The following SVIL variants were observed in gnomAD, a reference collection of about 807,000 sequenced individuals.
SVIL encodes the protein supervillin.
Under a neutral mutation model 240.4 loss-of-function variants are expected in SVIL, and 101 were observed. The observed-to-expected ratio is 0.42, with a 90% CI of 0.36 to 0.50. The LOEUF (loss-of-function observed/expected upper bound fraction) is 0.50. Among genes scored for constraint, SVIL ranks in the 20% least tolerant of loss-of-function variants. The pLI is 0.01. For missense variants in SVIL, 2,512 were observed against 2,818.7 expected (o/e 0.89, Z 2.46); for synonymous variants, 999 against 1,100.0 (o/e 0.91, Z 1.82).
At chr10:29,509,723 GC>G (rs1196926201) in intron 17 of SVIL, among the ~76,000 whole-genome samples, 2 of 152,100 alleles carry the variant, frequency 1.3e-5, no homozygotes, top group Non-Finnish European at 2.9e-5. Context: ...GGTGGCACAT[GC>G]CTGTAATCGC....
intron 5 of SVIL, among the ~76,000 whole-genome samples, chr10:29,551,673 G>A (rs1004610529): frequency 2.6e-5 from 4 of 152,342 alleles, no homozygotes; most frequent in Admixed American, 6.5e-5. Flanking sequence ...GTGAGCTGCC[G>A]TCATTGGACA....
chr10:29,463,549 T>C lies in SVIL; in HGVS notation c.6220A>G (p.Ile2074Val). Reference protein sequence around the residue: ...IENKITGSARIRWASDRKSAM... With the variant: ...IENKITGSARVRWASDRKSAM... ...CTCTTCCGGTCGGAGGCCCAGCGGA[T>C]GCGGGCGGAACCAGTGATCTTGTTC... is the stretch of plus-strand genomic sequence containing the variant. Residue 2074 changes from isoleucine to valine, a missense_variant, in exon 35 of 38, where the codon ATC becomes GTC. Transcript: ENST00000355867. The C allele has an allele frequency of 1.2e-6, 2 of 1,614,076 alleles. No homozygotes were observed. Among genetic ancestry groups the C allele is most frequent in the Non-Finnish European group, 1.7e-6 (2 of 1,180,004 alleles).
chr10:29,731,524 A>C (rs1282719237), intron 1 of SVIL, among the ~76,000 whole-genome samples: 1 of 151,364 alleles, frequency 6.6e-6, no homozygotes. Context: ...TCTGATTCAT[A>C]TGTCAATTTT....
intron 1 of SVIL, among the ~76,000 whole-genome samples, chr10:29,589,347 C>T (rs1427648225): frequency 6.6e-6 from 1 of 152,190 alleles, no homozygotes; most frequent in African/African-American, 2.4e-5. Flanking sequence ...CCACAGCTGG[C>T]CAACAGTGTG....
chr10:29,507,661 C>T (rs1455583030), intron 17 of SVIL: 1 of 724,764 alleles, frequency 1.4e-6, no homozygotes, highest in Non-Finnish European at 1.7e-6. Context: ...AAGTTATTTC[C>T]CAAAATTAAA....
intron 1 of SVIL, among the ~76,000 whole-genome samples, chr10:29,628,355 A>G (rs552906488): frequency 3.9e-5 from 6 of 152,374 alleles, no homozygotes; most frequent in African/African-American, 1.4e-4. Flanking sequence ...TAAATTAGAT[A>G]TAATGTTTCA....
chr10:29,559,210 A>G (rs1333332952), intron 3 of SVIL, among the ~76,000 whole-genome samples: 1 of 152,058 alleles, frequency 6.6e-6, no homozygotes, highest in African/African-American at 2.4e-5. Context: ...AAAACTTCAA[A>G]AAAATTTTTT....
At chr10:29,481,482 G>T in intron 28 of SVIL, 102 bp downstream of exon 28, 4 of 1,428,268 alleles carry the variant, frequency 2.8e-6, no homozygotes, top group Non-Finnish European at 3.9e-6. Flanking sequence ...CATCTGGGGT[G>T]ACAGCCATAC....
chr10:29,662,917 C>T (rs1385801446), intron 2 of SVIL, among the ~76,000 whole-genome samples: 1 of 152,122 alleles, frequency 6.6e-6, no homozygotes, highest in Non-Finnish European at 1.5e-5. Context: ...TTGAGACCCA[C>T]CTGGGCAGCA....
At chr10:29,656,171 G>T (rs1373194412) in intron 3 of SVIL, among the ~76,000 whole-genome samples, 2 of 151,322 alleles carry the variant, frequency 1.3e-5, no homozygotes. Flanking sequence ...GCCTGGCCGA[G>T]TGTGAGTGTT....
Position 29,681,830 on chromosome 10 carries a change from G to A in SVIL, c.-301+4723C>T, listed in dbSNP as rs187669214. 7.3e-3 allele frequency among the ~76,000 whole-genome samples: 1,107 copies of A among 151,812 alleles called. 4 individuals carry two copies. The highest frequency in any genetic ancestry group is 0.012 in the Non-Finnish European group (783 of 68,014). On this transcript the variant is annotated intron_variant, in intron 2 of 35. Coordinates refer to the SVIL transcript ENST00000375400. ...CTTGCTGCTTCTGCGCTTCCTTGTC[G>A]CATTTGTTTATTTCAACAGATGCAG...
At chr10:29,677,672 C>T (rs915643964) in intron 2 of SVIL, among the ~76,000 whole-genome samples, 1 of 152,172 alleles carries the variant, frequency 6.6e-6, no homozygotes, top group African/African-American at 2.4e-5. Context: ...CCTCCATCCT[C>T]AGCCTCCCAA....
chr10:29,465,670 A>T lies in SVIL; in HGVS notation c.6058T>A (p.Tyr2020Asn), dbSNP rs771331394. ...SGDFAATEFV[Y>N]PARAPSVVSS... The stretch of plus-strand genomic sequence containing the variant: ...ACCACAGAGGGGGCTCGGGCAGGGT[A>T]CACAAACTCTGTGGCTGCAAAATCC... Residue 2020 changes from tyrosine (Y) to asparagine (N), a missense_variant, in exon 34 of 38, where the codon TAC becomes AAC. By Grantham distance (143) the Tyr-to-Asn change is moderately radical. Transcript: ENST00000355867. 3.7e-6 allele frequency: 6 copies of T among 1,613,600 alleles called. No homozygotes were observed. The highest frequency in any genetic ancestry group is 5.1e-6 in the Non-Finnish European group (6 of 1,179,992).
chr10:29,708,914 A>C (rs574410330), intron 1 of SVIL, among the ~76,000 whole-genome samples: 126 of 152,326 alleles, frequency 8.3e-4, no homozygotes, highest in African/African-American at 3.0e-3. Flanking sequence ...CTGCCGAAAG[A>C]ATTTTAAAAG....
intron 1 of SVIL, among the ~76,000 whole-genome samples, chr10:29,729,263 G>C (rs1203071575): frequency 6.6e-6 from 1 of 152,162 alleles, no homozygotes; most frequent in South Asian, 2.1e-4. Context: ...TGGAAAAAGA[G>C]GAAACAGGCT....
intron 2 of SVIL, among the ~76,000 whole-genome samples, chr10:29,568,416 T>A (rs1955168301): frequency 6.6e-6 from 1 of 151,868 alleles, no homozygotes; most frequent in Non-Finnish European, 1.5e-5. Flanking sequence ...AACAATGTCA[T>A]AATACCTTAG....
At chr10:29,624,706 T>A (rs571062864) in intron 1 of SVIL, among the ~76,000 whole-genome samples, 1 of 152,222 alleles carries the variant, frequency 6.6e-6, no homozygotes, top group East Asian at 1.9e-4. Flanking sequence ...GTAGAAATTA[T>A]CATCAATGCT....
intron 6 of SVIL, among the ~76,000 whole-genome samples, chr10:29,537,538 C>T (rs371776057): frequency 3.0e-4 from 45 of 152,160 alleles, no homozygotes; most frequent in African/African-American, 1.1e-3. Flanking sequence ...CCTGTCTCCT[C>T]TTACAATGTA....
chr10:29,576,223 A>G, intron 1 of SVIL: 1 of 573,632 alleles, frequency 1.7e-6, no homozygotes, highest in South Asian at 7.5e-5. Flanking sequence ...CCTTTCCTTC[A>G]GGCAACATGA....
Sources: gnomAD v4.1 joint callset for allele counts (sites outside exome capture counted in the v4.1 genomes callset) on GRCh38, gnomAD v4.1.1 for gene constraint, MANE v1.5 for transcripts, NCBI Gene and HGNC (gene_info 2026-07-23, HGNC 2026-07-21) for gene names.